The following FAM185A variants were observed in gnomAD, a reference collection of about 807,000 sequenced individuals.
The protein encoded by FAM185A is family with sequence similarity 185 member A, also known as protein FAM185A.
Under a neutral mutation model 45.7 loss-of-function variants are expected in FAM185A, and 21 were observed. That is an observed-to-expected ratio of 0.46 (90% CI 0.33 to 0.66). The LOEUF (loss-of-function observed/expected upper bound fraction) is 0.66. FAM185A is among the 30% of genes least tolerant of loss of function. FAM185A has a pLI of 0.03. For missense variants in FAM185A, 305 were observed against 485.4 expected (o/e 0.63, Z 3.49); for synonymous variants, 117 against 194.0 (o/e 0.60, Z 3.30).
chr7:102,776,533 G>T (rs1223359127), intron 5 of FAM185A, among the ~76,000 whole-genome samples: 8 of 151,842 alleles, frequency 5.3e-5, no homozygotes, highest in Admixed American at 1.3e-4. Context: ...AACTTGAAAA[G>T]AACTATTAGA....
intron 4 of FAM185A, among the ~76,000 whole-genome samples, chr7:102,769,511 T>C (rs1794619193): frequency 6.6e-6 from 1 of 150,936 alleles, no homozygotes; most frequent in African/African-American, 2.4e-5. Flanking sequence ...CCTTGATGAG[T>C]GGGTGACTGG....
At chr7:102,841,747 G>A in the FAM185A span, among the ~76,000 whole-genome samples, 3 of 152,186 alleles carry the variant, frequency 2.0e-5, no homozygotes, top group Admixed American at 2.0e-4. Context: ...TAATGCCTGG[G>A]TATCTTGGCA....
the FAM185A span, among the ~76,000 whole-genome samples, chr7:102,819,038 T>G: frequency 6.6e-6 from 1 of 152,154 alleles, no homozygotes; most frequent in Non-Finnish European, 1.5e-5. Context: ...CACTTATAAG[T>G]GAGAACATGC....
chr7:102,822,872 C>T, the FAM185A span, among the ~76,000 whole-genome samples: 2 of 152,160 alleles, frequency 1.3e-5, no homozygotes, highest in African/African-American at 4.8e-5. Flanking sequence ...CAGTTCGAGA[C>T]CAGCCTGGGC....
chr7:102,810,790 T>C (rs1159127885), downstream of FAM185A, among the ~76,000 whole-genome samples: 1 of 151,622 alleles, frequency 6.6e-6, no homozygotes, highest in African/African-American at 2.4e-5. Flanking sequence ...GGTTTTACTA[T>C]GTTCATCAGG....
chr7:102,797,258 A>C (rs562316388), intron 7 of FAM185A, among the ~76,000 whole-genome samples: 1 of 152,134 alleles, frequency 6.6e-6, no homozygotes. Flanking sequence ...GTCAGGAGAT[A>C]GAGACCATAC....
the FAM185A span, among the ~76,000 whole-genome samples, chr7:102,823,018 C>T: frequency 2.0e-5 from 3 of 152,098 alleles, no homozygotes; most frequent in South Asian, 2.1e-4. Context: ...GCCGAGATCA[C>T]GCCACTGCAC....
At chr7:102,776,907 A>C (rs1259370718) in intron 5 of FAM185A, among the ~76,000 whole-genome samples, 1 of 151,972 alleles carries the variant, frequency 6.6e-6, no homozygotes, top group Non-Finnish European at 1.5e-5. Flanking sequence ...TACTAAATGT[A>C]TCAACATGAT....
At chr7:102,754,998 C>T (rs1417024721) in intron 2 of FAM185A, 1 of 298,116 alleles carries the variant, frequency 3.4e-6, no homozygotes, top group Non-Finnish European at 6.1e-6. Context: ...TATTTTTGAA[C>T]CTTAGACCTC....
intron 4 of FAM185A, among the ~76,000 whole-genome samples, chr7:102,770,058 G>C (rs1255563480): frequency 6.6e-6 from 1 of 152,174 alleles, no homozygotes; most frequent in Non-Finnish European, 1.5e-5. Context: ...AGAATGCTGA[G>C]TATGGAAACA....
downstream of FAM185A, among the ~76,000 whole-genome samples, chr7:102,809,655 T>G (rs1257509359): frequency 2.0e-5 from 3 of 151,008 alleles, no homozygotes; most frequent in East Asian, 5.8e-4. Context: ...TAAGCCGAGA[T>G]CACACCACTT....
chr7:102,780,797 G>A (rs1795354899), intron 6 of FAM185A, among the ~76,000 whole-genome samples: 1 of 152,216 alleles, frequency 6.6e-6, no homozygotes, highest in African/African-American at 2.4e-5. Context: ...TCACTGGGGA[G>A]TGTCAGAAAG....
At chr7:102,758,229 T>G (rs1195871736) in intron 3 of FAM185A, among the ~76,000 whole-genome samples, 2 of 152,146 alleles carry the variant, frequency 1.3e-5, no homozygotes, top group African/African-American at 4.8e-5. Flanking sequence ...TTTTTATTTT[T>G]ATCATCATAG....
chr7:102,800,722 G>A (rs531593813), intron 7 of FAM185A, among the ~76,000 whole-genome samples: 43 of 152,134 alleles, frequency 2.8e-4, no homozygotes, highest in African/African-American at 1.0e-3. Flanking sequence ...AAGCCTCCAA[G>A]ACATCTGGGA....
chr7:102,751,562 C>G, intron 1 of FAM185A, 130 bp from the exon 2 acceptor site: 1 of 1,114,346 alleles, frequency 9.0e-7, no homozygotes, highest in Non-Finnish European at 1.2e-6. Context: ...GACCCCTTAC[C>G]TTTACAGTAT....
chr7:102,768,358 T>C (rs186137557), intron 4 of FAM185A, among the ~76,000 whole-genome samples: 1 of 148,290 alleles, frequency 6.7e-6, no homozygotes, highest in Admixed American at 7.0e-5. Context: ...CCTAGCTTTT[T>C]AAAAATCTTG....
chr7:102,812,698 G>T (rs1797495856), downstream of FAM185A, among the ~76,000 whole-genome samples: 1 of 151,986 alleles, frequency 6.6e-6, no homozygotes, highest in Admixed American at 6.6e-5. Context: ...CCTTTCTAAA[G>T]AAAAATTTCT....
At chr7:102,772,913 G>A (rs1021904318) in intron 5 of FAM185A, among the ~76,000 whole-genome samples, 2 of 151,912 alleles carry the variant, frequency 1.3e-5, no homozygotes, top group African/African-American at 4.8e-5. Flanking sequence ...TGGTCAACAG[G>A]ACATAGTTTC....
the FAM185A span, among the ~76,000 whole-genome samples, chr7:102,842,866 A>G: frequency 1.3e-5 from 2 of 152,238 alleles, no homozygotes. Flanking sequence ...CTATGCCTGG[A>G]GCCACTCAAC....
Sources: gnomAD v4.1 joint callset for allele counts (sites outside exome capture counted in the v4.1 genomes callset) on GRCh38, gnomAD v4.1.1 for gene constraint, MANE v1.5 for transcripts, NCBI Gene and HGNC (gene_info 2026-07-23, HGNC 2026-07-21) for gene names.